Variants in NOX4 observed in about 807,000 individuals in gnomAD.
NOX4 encodes the protein NADPH oxidase 4.
NOX4 carries 69 observed loss-of-function variants against 87.6 expected under a neutral mutation model. The ratio of observed to expected loss-of-function variants is 0.79; its 90% CI spans 0.65 to 0.96. The LOEUF (loss-of-function observed/expected upper bound fraction) is 0.96, where lower values mean the gene tolerates loss of function less well. Ranked by LOEUF, NOX4 falls within the 40% of genes least tolerant of loss-of-function variation. The probability of loss-of-function intolerance (pLI) is 0.00; values close to 1 mark genes in which losing one functional copy is unlikely to be tolerated. For synonymous variants in NOX4, 275 were observed against 238.2 expected (o/e 1.15, Z -1.42); for missense variants, 680 against 681.5 (o/e 1.00, Z 0.02).
chr11:89,342,787 T>C (rs1344440150), intron 13 of NOX4, among the ~76,000 whole-genome samples: 1 of 152,100 alleles, frequency 6.6e-6, no homozygotes, highest in Non-Finnish European at 1.5e-5. Flanking sequence ...CAGCTCTAAT[T>C]ACTCTGCTCA....
At chr11:89,353,840 C>A (rs1937769622) in intron 13 of NOX4, among the ~76,000 whole-genome samples, 2 of 152,206 alleles carry the variant, frequency 1.3e-5, no homozygotes, top group South Asian at 4.1e-4. Context: ...TAGGCACATT[C>A]ATGCTCCTGG....
chr11:89,451,152 A>G (rs567546002), intron 3 of NOX4, among the ~76,000 whole-genome samples: 9 of 151,980 alleles, frequency 5.9e-5, no homozygotes, highest in Non-Finnish European at 1.2e-4. Flanking sequence ...AACATGGCAC[A>G]TGTATACATA....
intron 16 of NOX4, chr11:89,336,167 A>G (rs974360021): frequency 2.9e-6 from 1 of 350,406 alleles, no homozygotes; most frequent in African/African-American, 2.1e-5. Context: ...TTGTTTTTAA[A>G]CAAACAAACA....
At chr11:89,569,934 G>C in the NOX4 span, among the ~76,000 whole-genome samples, 1 of 151,482 alleles carries the variant, frequency 6.6e-6, no homozygotes, top group Admixed American at 6.6e-5. Flanking sequence ...CCTGGGAGGC[G>C]GAGCTTGCAG....
intron 2 of NOX4, among the ~76,000 whole-genome samples, chr11:89,485,615 A>T (rs1485660889): frequency 1.3e-5 from 2 of 152,204 alleles, no homozygotes; most frequent in African/African-American, 4.8e-5. Flanking sequence ...AAAGAAAACT[A>T]CATTTCTGAG....
the NOX4 span, among the ~76,000 whole-genome samples, chr11:89,585,102 A>C: frequency 1.3e-5 from 2 of 152,144 alleles, no homozygotes; most frequent in African/African-American, 2.4e-5. Context: ...CTGAGGCATT[A>C]GCTTACACCG....
chr11:89,333,680 A>G (rs557590131), intron 17 of NOX4, among the ~76,000 whole-genome samples: 1 of 151,892 alleles, frequency 6.6e-6, no homozygotes, highest in Admixed American at 6.6e-5. Flanking sequence ...TGTTTTCAGC[A>G]ATTTGTGTGC....
the NOX4 span, among the ~76,000 whole-genome samples, chr11:89,521,352 G>C: frequency 6.6e-6 from 1 of 152,020 alleles, no homozygotes; most frequent in Non-Finnish European, 1.5e-5. Context: ...CACTGGACCG[G>C]AATAGAGAAC....
At chr11:89,504,147 G>C in the NOX4 span, among the ~76,000 whole-genome samples, 10 of 151,852 alleles carry the variant, frequency 6.6e-5, no homozygotes, top group East Asian at 1.9e-3. Context: ...AGTGGTAGCA[G>C]AAGGGATGTC....
At chr11:89,362,149 C>A (rs1938573574) in intron 12 of NOX4, among the ~76,000 whole-genome samples, 2 of 149,344 alleles carry the variant, frequency 1.3e-5, no homozygotes, top group South Asian at 4.2e-4. Context: ...CCCTAATAAG[C>A]ATTTTACATT....
At chr11:89,433,747 A>C (rs1049776052) in intron 6 of NOX4, among the ~76,000 whole-genome samples, 26 of 152,098 alleles carry the variant, frequency 1.7e-4, no homozygotes, top group African/African-American at 5.8e-4. Context: ...CAGATATGGC[A>C]TAACATTTGT....
At chr11:89,583,929 A>G in the NOX4 span, among the ~76,000 whole-genome samples, 1 of 152,180 alleles carries the variant, frequency 6.6e-6, no homozygotes, top group Non-Finnish European at 1.5e-5. Context: ...TAGGTAAATA[A>G]TTATTTGTAT....
chr11:89,526,356 TCAC>T, the NOX4 span, among the ~76,000 whole-genome samples: 1 of 152,180 alleles, frequency 6.6e-6, no homozygotes, highest in Non-Finnish European at 1.5e-5. Flanking sequence ...GGGATAAACA[TCAC>T]CACAAGCATT....
chr11:89,386,597 C>A (rs1181978038), intron 11 of NOX4, among the ~76,000 whole-genome samples: 1 of 152,160 alleles, frequency 6.6e-6, no homozygotes, highest in African/African-American at 2.4e-5. Flanking sequence ...CTAGCCATTT[C>A]TAATCCTTCT....
the NOX4 span, among the ~76,000 whole-genome samples, chr11:89,575,403 A>C: frequency 6.6e-6 from 1 of 152,208 alleles, no homozygotes; most frequent in Non-Finnish European, 1.5e-5. Context: ...TCTGTAGATA[A>C]AAGGGAAGAT....
intron 11 of NOX4, among the ~76,000 whole-genome samples, chr11:89,376,620 C>G (rs565442205): frequency 6.6e-6 from 1 of 152,250 alleles, no homozygotes; most frequent in East Asian, 1.9e-4. Flanking sequence ...CAGTGGCTCA[C>G]GCCTGTAATC....
chr11:89,411,119 T>C (rs1054456969), intron 8 of NOX4, among the ~76,000 whole-genome samples: 2 of 152,106 alleles, frequency 1.3e-5, no homozygotes, highest in African/African-American at 2.4e-5. Context: ...AGACACACCC[T>C]GGGCAAGCAA....
the NOX4 span, among the ~76,000 whole-genome samples, chr11:89,532,380 A>C: frequency 6.6e-6 from 1 of 152,148 alleles, no homozygotes; most frequent in Non-Finnish European, 1.5e-5. Flanking sequence ...GAGTCAAAGG[A>C]GACTATTTTG....
the NOX4 span, among the ~76,000 whole-genome samples, chr11:89,564,791 G>A: frequency 8.6e-5 from 13 of 150,922 alleles, no homozygotes; most frequent in Non-Finnish European, 1.6e-4. Context: ...AATGTGCATA[G>A]TGGGCTCATT....
Sources: gnomAD v4.1 joint callset for allele counts (sites outside exome capture counted in the v4.1 genomes callset) on GRCh38, gnomAD v4.1.1 for gene constraint, MANE v1.5 for transcripts, NCBI Gene and HGNC (gene_info 2026-07-23, HGNC 2026-07-21) for gene names.